The following PTPN2 variants were observed in gnomAD, a reference collection of about 807,000 sequenced individuals.
PTPN2 encodes protein tyrosine phosphatase non-receptor type 2.
PTPN2 carries 19 observed loss-of-function variants against 57.3 expected under a neutral mutation model. That is an observed-to-expected ratio of 0.33 (90% CI 0.23 to 0.49). The LOEUF is 0.49. Ranked by LOEUF, PTPN2 falls within the 20% of genes least tolerant of loss-of-function variation. The probability of loss-of-function intolerance (pLI) is 0.99; values close to 1 mark genes in which losing one functional copy is unlikely to be tolerated. For missense variants in PTPN2, 358 were observed against 501.1 expected, an observed-to-expected ratio of 0.71 and a Z score of 2.73; for synonymous variants, 153 against 164.9, an observed-to-expected ratio of 0.93 and a Z score of 0.55.
At chr18:12,830,100 A>ATTTTTTTTTTTTTTTTTT (rs148424474) in intron 4 of PTPN2, among the ~76,000 whole-genome samples, 1 of 147,618 alleles carries the variant, frequency 6.8e-6, no homozygotes, top group Non-Finnish European at 1.5e-5. Flanking sequence ...ATAATCCTTG[A>ATTTTTTTTTTTTTTTTTT]TTTTTTTTTT....
At chr18:12,803,048 A>G (rs1334888831) in intron 7 of PTPN2, among the ~76,000 whole-genome samples, 2 of 152,216 alleles carry the variant, frequency 1.3e-5, no homozygotes, top group African/African-American at 4.8e-5. Context: ...AACTACAGCT[A>G]CAAGTTGTTA....
At chr18:12,821,029 A>C (rs2042253044) in intron 5 of PTPN2, among the ~76,000 whole-genome samples, 1 of 152,214 alleles carries the variant, frequency 6.6e-6, no homozygotes, top group South Asian at 2.1e-4. Flanking sequence ...GCAAGTTAAT[A>C]ATCATCATAA....
intron 4 of PTPN2, among the ~76,000 whole-genome samples, chr18:12,827,296 T>G (rs1488002382): frequency 6.9e-6 from 1 of 145,102 alleles, no homozygotes; most frequent in Admixed American, 7.0e-5. Flanking sequence ...TGAGTCGAGA[T>G]AGCAGCACTG....
At position 12,817,224 on chromosome 18, in the gene PTPN2, C is replaced by T. The variant is rs893136826; in HGVS notation, c.637G>A (p.Val213Met). The T allele has an allele frequency of 6.2e-7, 1 of 1,614,168 alleles. No homozygotes were observed. ...GSLNPDHGPA[V>M]IHCSAGIGRS... Reference sequence around the variant, plus strand: ...CCAATGCCTGCACTACAGTGGATCACCGCAGGCCCATGGTCAGGGTTCAAG... The same window carrying T: ...CCAATGCCTGCACTACAGTGGATCATCGCAGGCCCATGGTCAGGGTTCAAG... The change falls in exon 6 of 9, where the codon GTG becomes ATG. Residue 213 changes from valine to methionine, a missense_variant. Physicochemically the swap from Val to Met is conservative, Grantham distance 21 (BLOSUM62 1). Coordinates refer to ENST00000309660, the MANE Select transcript of PTPN2 (RefSeq NM_002828.4).
chr18:12,797,438 T>C (rs1326990222), intron 8 of PTPN2, among the ~76,000 whole-genome samples: 2 of 152,106 alleles, frequency 1.3e-5, no homozygotes, highest in African/African-American at 4.8e-5. Flanking sequence ...GTACTATATT[T>C]GGGGGAACTG....
intron 1 of PTPN2, among the ~76,000 whole-genome samples, chr18:12,866,176 C>A (rs1455484180): frequency 6.6e-6 from 1 of 152,054 alleles, no homozygotes; most frequent in Non-Finnish European, 1.5e-5. Context: ...CGGTGGCTCA[C>A]GCCTGTAACC....
intron 5 of PTPN2, 55 bp from the exon 6 acceptor site, chr18:12,817,420 C>G: frequency 7.6e-7 from 1 of 1,320,524 alleles, no homozygotes. Context: ...TTTTAAAAAA[C>G]TACTTCAGAA....
rs775015591 is a variant in PTPN2, at chr18:12,814,190, G to A, written c.858+13C>T. The stretch of plus-strand genomic sequence containing the variant: ...AACAAATAGATATGATTTAAAACCT[G>A]TATGAAGTTTACCTGTATACTAGAA... On this transcript the variant is annotated intron_variant, in intron 7 of 8. Transcript: ENST00000309660. 1.3e-6 allele frequency: 2 copies of A among 1,542,206 alleles called. No homozygotes were observed. Among genetic ancestry groups the A allele is most frequent in the Non-Finnish European group, 1.8e-6 (2 of 1,125,590 alleles).
At chr18:12,883,555 G>A (rs921770050) in intron 1 of PTPN2, 1 of 152,030 alleles carries the variant, frequency 6.6e-6, no homozygotes, top group Non-Finnish European at 1.5e-5. Flanking sequence ...AGCTGGACCC[G>A]GACGCCGCGG....
At chr18:12,790,964 A>G (rs2040969315), downstream of PTPN2, among the ~76,000 whole-genome samples, 1 of 149,642 alleles carries the variant, frequency 6.7e-6, no homozygotes, top group South Asian at 2.1e-4. Flanking sequence ...ACAAATGTAT[A>G]AAGTCTCCTC....
At chr18:12,809,659 T>C (rs2041822430) in intron 7 of PTPN2, among the ~76,000 whole-genome samples, 2 of 152,230 alleles carry the variant, frequency 1.3e-5, no homozygotes, top group Non-Finnish European at 2.9e-5. Context: ...AATACTCTAC[T>C]TATTGCCCGA....
intron 1 of PTPN2, among the ~76,000 whole-genome samples, chr18:12,868,110 G>C (rs1282401687): frequency 6.6e-6 from 1 of 152,188 alleles, no homozygotes; most frequent in Non-Finnish European, 1.5e-5. Flanking sequence ...AATCACAAAG[G>C]CTTGTTCTTA....
At chr18:12,866,551 G>A (rs1003219961) in intron 1 of PTPN2, among the ~76,000 whole-genome samples, 1 of 152,196 alleles carries the variant, frequency 6.6e-6, no homozygotes, top group African/African-American at 2.4e-5. Flanking sequence ...AAGTAGATTA[G>A]TGGTTGTCAG....
intron 1 of PTPN2, among the ~76,000 whole-genome samples, chr18:12,876,881 T>A (rs1163427612): frequency 6.6e-6 from 1 of 152,158 alleles, no homozygotes; most frequent in African/African-American, 2.4e-5. Flanking sequence ...TTATAACACA[T>A]CCACTCCCTC....
intron 7 of PTPN2, among the ~76,000 whole-genome samples, chr18:12,810,225 A>G (rs572690708): frequency 3.3e-5 from 5 of 151,858 alleles, no homozygotes; most frequent in African/African-American, 1.2e-4. Context: ...TTAGCCAGGC[A>G]TGGTGGTGCA....
chr18:12,881,067 G>A (rs1288419769), intron 1 of PTPN2, among the ~76,000 whole-genome samples: 1 of 152,072 alleles, frequency 6.6e-6, no homozygotes, highest in Non-Finnish European at 1.5e-5. Flanking sequence ...TACTCCAACC[G>A]ACTACTGCCC....
intron 8 of PTPN2, among the ~76,000 whole-genome samples, chr18:12,797,481 A>AT (rs2041236431): frequency 6.6e-6 from 1 of 151,950 alleles, no homozygotes; most frequent in Admixed American, 6.6e-5. Flanking sequence ...ACAACACACT[A>AT]TTTTTCTCAT....
Position 12,794,341 on chromosome 18 carries a change from C to T in PTPN2, c.1185G>A (p.Met395Ile). 6 of 1,614,236 alleles carry T rather than the reference C, an allele frequency of 3.7e-6. No homozygotes were observed. The highest frequency in any genetic ancestry group is 5.1e-6 in the Non-Finnish European group (6 of 1,180,040). The change falls in exon 9 of 9, where the codon ATG (methionine) becomes ATA (isoleucine). Residue 395 changes from methionine to isoleucine, a missense_variant. Physicochemically the swap from Met to Ile is conservative, Grantham distance 10. Around this residue, in one of 4 missense-constraint regions of PTPN2, gnomAD observed 96 missense variants for 110.8 expected, o/e 0.87. Transcript: ENST00000309660. ...CAAAAGCGCCAACCAAAATGACTGA[C>T]ATAAACCCCATCTTAGTGAGAATAG... is the stretch of plus-strand genomic sequence containing the variant. ...WQPILTKMGF[M>I]SVILVGAFVG...
chr18:12,861,245 T>C (rs2043799158), intron 1 of PTPN2, among the ~76,000 whole-genome samples: 1 of 152,244 alleles, frequency 6.6e-6, no homozygotes. Context: ...TTGCAAGATA[T>C]AAGACACTGT....
Sources: allele counts gnomAD v4.1 joint callset (sites outside exome capture counted in the v4.1 genomes callset), GRCh38; gene constraint gnomAD v4.1.1; regional missense constraint gnomAD v4.1.1; transcripts MANE v1.5; gene names NCBI Gene and HGNC (gene_info 2026-07-23, HGNC 2026-07-21).